IL1RAPL2: variants seen among roughly 807,000 people sequenced by gnomAD.
The protein encoded by IL1RAPL2 is X-linked interleukin-1 receptor accessory protein-like 2.
In IL1RAPL2, 3 loss-of-function variants were observed where a neutral mutation model predicts 44.1. The observed-to-expected ratio is 0.07, with a 90% CI of 0.03 to 0.18. IL1RAPL2 has a LOEUF of 0.18. Ranked by LOEUF, IL1RAPL2 falls within the 10% of genes least tolerant of loss-of-function variation. The pLI is 1.00. For synonymous variants in IL1RAPL2, 181 were observed against 178.8 expected, an observed-to-expected ratio of 1.01 and a Z score of -0.10; for missense variants, 391 against 496.4, an observed-to-expected ratio of 0.79 and a Z score of 2.02.
At chrX:105,246,432 A>G (rs758337886) in intron 4 of IL1RAPL2, among the ~76,000 whole-genome samples, 112 of 111,924 alleles carry the variant, frequency 1.0e-3, no homozygotes, top group African/African-American at 3.5e-3. Flanking sequence ...TGGGTGTTGC[A>G]GCTGAGGAAA....
At chrX:104,703,374 T>G (rs1297991113) in intron 2 of IL1RAPL2, among the ~76,000 whole-genome samples, 1 of 112,121 alleles carries the variant, frequency 8.9e-6, no homozygotes, top group Non-Finnish European at 1.9e-5. Flanking sequence ...TGCTTGGTCC[T>G]GTGCTCACAG....
At chrX:105,683,610 A>G (rs989757682) in intron 6 of IL1RAPL2, among the ~76,000 whole-genome samples, 3 of 111,598 alleles carry the variant, frequency 2.7e-5, no homozygotes, top group African/African-American at 9.8e-5. Flanking sequence ...TTTGAAGAGT[A>G]AAAAAACAGA....
chrX:105,049,955 T>C (rs954933884), intron 2 of IL1RAPL2, among the ~76,000 whole-genome samples: 1 of 112,034 alleles, frequency 8.9e-6, no homozygotes, highest in East Asian at 2.8e-4. Context: ...ATTCTGAAAC[T>C]ACTGTCAGAG....
At chrX:105,026,081 A>G (rs758552659) in intron 2 of IL1RAPL2, among the ~76,000 whole-genome samples, 2 of 110,813 alleles carry the variant, frequency 1.8e-5, no homozygotes, top group African/African-American at 6.5e-5. Flanking sequence ...CTCCAGAAAC[A>G]TGATAGCTGG....
intron 3 of IL1RAPL2, among the ~76,000 whole-genome samples, chrX:105,211,180 C>T (rs782332244): frequency 2.7e-5 from 3 of 111,884 alleles, no homozygotes; most frequent in Admixed American, 9.4e-5. Flanking sequence ...ATGATGGCAT[C>T]GTGCTTTTGC....
At chrX:104,594,840 A>G (rs1928735400) in intron 1 of IL1RAPL2, among the ~76,000 whole-genome samples, 1 of 111,413 alleles carries the variant, frequency 9.0e-6, no homozygotes, top group Non-Finnish European at 1.9e-5. Context: ...AAGGGACAGT[A>G]GGTGCAAAGC....
At chrX:105,022,427 G>A (rs73518208) in intron 2 of IL1RAPL2, among the ~76,000 whole-genome samples, 2,998 of 111,369 alleles carry the variant, frequency 0.027, 113 homozygotes, top group African/African-American at 0.093. Context: ...ACAGTCACAC[G>A]TATTAAATGA....
At chrX:105,094,924 T>C (rs1327187729) in intron 2 of IL1RAPL2, among the ~76,000 whole-genome samples, 1 of 111,447 alleles carries the variant, frequency 9.0e-6, no homozygotes, top group Non-Finnish European at 1.9e-5. Context: ...CCTAAGTATT[T>C]TTTTCATGCT....
At chrX:104,943,985 CT>C (rs1925273886) in intron 2 of IL1RAPL2, among the ~76,000 whole-genome samples, 1 of 111,352 alleles carries the variant, frequency 9.0e-6, no homozygotes, top group Admixed American at 9.6e-5. Flanking sequence ...TTTGGTGACC[CT>C]AAAAGTGGCT....
chrX:104,636,192 G>C (rs893613103), intron 1 of IL1RAPL2, among the ~76,000 whole-genome samples: 1 of 111,777 alleles, frequency 8.9e-6, no homozygotes, highest in Non-Finnish European at 1.9e-5. Flanking sequence ...CTGCCTGGTC[G>C]TTCCTCTGGA....
chrX:104,820,247 A>T (rs1158721011), intron 2 of IL1RAPL2, among the ~76,000 whole-genome samples: 1 of 111,855 alleles, frequency 8.9e-6, no homozygotes, highest in Non-Finnish European at 1.9e-5. Flanking sequence ...GGTTTTAAAC[A>T]TCCGTTGTTA....
intron 6 of IL1RAPL2, among the ~76,000 whole-genome samples, chrX:105,499,806 A>G (rs769646428): frequency 3.0e-4 from 34 of 112,112 alleles, no homozygotes; most frequent in Admixed American, 8.5e-4. Flanking sequence ...CATTGGTGGG[A>G]ATGTAAAATG....
At chrX:105,233,525 T>A (rs1266170301) in intron 3 of IL1RAPL2, among the ~76,000 whole-genome samples, 1 of 112,116 alleles carries the variant, frequency 8.9e-6, no homozygotes, top group Non-Finnish European at 1.9e-5. Context: ...ATTTTCAACA[T>A]AGCAATATTT....
At chrX:105,218,906 T>G in intron 3 of IL1RAPL2, 1 of 965,479 alleles carries the variant, frequency 1.0e-6, no homozygotes, top group Non-Finnish European at 1.4e-6. Context: ...GCCTGCCCTC[T>G]GAAAATTAAT....
At chrX:105,728,810 C>T (rs777092314) in intron 7 of IL1RAPL2, among the ~76,000 whole-genome samples, 1 of 111,549 alleles carries the variant, frequency 9.0e-6, no homozygotes, top group South Asian at 3.7e-4. Context: ...CATGGATCCA[C>T]CATTACTGTA....
intron 3 of IL1RAPL2, among the ~76,000 whole-genome samples, chrX:105,213,299 G>GA (rs1316738498): frequency 1.8e-5 from 2 of 108,963 alleles, no homozygotes; most frequent in African/African-American, 6.7e-5. Context: ...TGATGGAGCT[G>GA]AAAAACACAG....
intron 4 of IL1RAPL2, among the ~76,000 whole-genome samples, chrX:105,250,991 A>G (rs191272404): frequency 5.0e-4 from 56 of 111,150 alleles, no homozygotes; most frequent in Middle Eastern, 9.5e-3. Context: ...ATGATGGTTT[A>G]TTTAAATATG....
rs1471095796 is a variant in IL1RAPL2, at chrX:105,043,006, C to G, written c.83-152469C>G. On this transcript the variant is annotated intron_variant, in intron 2 of 10. Coordinates refer to ENST00000372582, the MANE Select transcript of IL1RAPL2 (RefSeq NM_017416.2). ...AAAAAACAAACACCGCATATTCTCA[C>G]TCATAGGTGGGAATTGAACAATGAG... Among the ~76,000 whole-genome samples the G allele has an allele frequency of 6.1e-5, 6 of 97,761 alleles. No homozygotes were observed. The East Asian group carries it at 1.0e-3, about 16-fold the overall frequency. 84.9% of individuals were successfully genotyped at this position (97,761 alleles called of 115,157 possible). A position where few individuals can be genotyped will look rare whatever the true frequency, so the allele number is the denominator to read the frequency against.
intron 2 of IL1RAPL2, among the ~76,000 whole-genome samples, chrX:104,679,557 T>C (rs1028922876): frequency 8.9e-6 from 1 of 111,940 alleles, no homozygotes; most frequent in Admixed American, 9.5e-5. Context: ...ATTTTTATCT[T>C]TGCACTTTTA....
Sources: gnomAD v4.1 joint callset for allele counts (sites outside exome capture counted in the v4.1 genomes callset) on GRCh38, gnomAD v4.1.1 for gene constraint, MANE v1.5 for transcripts, NCBI Gene and HGNC (gene_info 2026-07-23, HGNC 2026-07-21) for gene names.